TAB2: variants seen among roughly 807,000 people sequenced by gnomAD.
TAB2 encodes TGF-beta activated kinase 1 (MAP3K7) binding protein 2.
TAB2 carries 3 observed loss-of-function variants against 65.0 expected under a neutral mutation model. The observed-to-expected ratio is 0.05, with a 90% confidence interval of 0.02 to 0.12. The LOEUF is 0.12. Among genes scored for constraint, TAB2 ranks in the 10% least tolerant of loss-of-function variants. The probability of loss-of-function intolerance (pLI) is 1.00; values close to 1 mark genes in which losing one functional copy is unlikely to be tolerated. For missense variants in TAB2, 623 were observed against 840.3 expected (o/e 0.74, Z 3.20); for synonymous variants, 298 against 285.1 (o/e 1.05, Z -0.46).
intron 1 of TAB2, among the ~76,000 whole-genome samples, chr6:149,270,040 C>T (rs1451897907): frequency 1.3e-5 from 2 of 152,204 alleles, no homozygotes; most frequent in East Asian, 1.9e-4. Context: ...AAGGGCTGTG[C>T]CATTTTGCAG....
chr6:149,302,241 T>G (rs1176119989), intron 1 of TAB2, among the ~76,000 whole-genome samples: 1 of 152,222 alleles, frequency 6.6e-6, no homozygotes, highest in Non-Finnish European at 1.5e-5. Context: ...ATTACATATA[T>G]GCACTTTAAC....
At chr6:149,383,868 CCACCG>C (rs1054752621) in intron 3 of TAB2, among the ~76,000 whole-genome samples, 2 of 152,284 alleles carry the variant, frequency 1.3e-5, no homozygotes, top group African/African-American at 4.8e-5. Context: ...CAGACGTGAG[CCACCG>C]CACCTAGCTC....
chr6:149,240,538 A>C (rs1288066281), intron 1 of TAB2, among the ~76,000 whole-genome samples: 1 of 149,060 alleles, frequency 6.7e-6, no homozygotes, highest in Non-Finnish European at 1.5e-5. Context: ...AGTGTTATAA[A>C]ACTGTAGAAT....
chr6:149,373,478 T>C (rs1160235773), intron 2 of TAB2, among the ~76,000 whole-genome samples: 3 of 152,124 alleles, frequency 2.0e-5, no homozygotes, highest in East Asian at 3.8e-4. Context: ...TTCATTTGTG[T>C]TCACATTATT....
chr6:149,387,462 G>A (rs925589285), intron 3 of TAB2, among the ~76,000 whole-genome samples: 1 of 152,038 alleles, frequency 6.6e-6, no homozygotes, highest in Non-Finnish European at 1.5e-5. Flanking sequence ...CTTTTCCATT[G>A]TTCTATATGT....
At chr6:149,319,792 T>C (rs1779376185) in intron 1 of TAB2, among the ~76,000 whole-genome samples, 1 of 152,222 alleles carries the variant, frequency 6.6e-6, no homozygotes, top group South Asian at 2.1e-4. Context: ...GAGTTACTTT[T>C]CCTGAGTTTA....
Position 149,369,972 on chromosome 6 carries a change from A to C in TAB2, c.-26A>C. The C allele has an allele frequency of 6.3e-7, 1 of 1,586,622 alleles. No homozygotes were observed. The highest frequency in any genetic ancestry group is 8.7e-7 in the Non-Finnish European group (1 of 1,155,028). ...AAGGCCTAGAATTGCCTACTGTACA[A>C]ATAGTCCTGATCAGGCAATATACGA... On this transcript the variant is annotated 5_prime_UTR_variant, in exon 2 of 7. Transcript: ENST00000637181.
At chr6:149,381,569 CTTTT>C (rs557951574) in intron 3 of TAB2, among the ~76,000 whole-genome samples, 2 of 95,578 alleles carry the variant, frequency 2.1e-5, no homozygotes, top group African/African-American at 4.1e-5. Flanking sequence ...CCCTCCTATT[CTTTT>C]TTTTTTTTTT....
chr6:149,263,137 T>C (rs1241029565), intron 1 of TAB2, among the ~76,000 whole-genome samples: 2 of 152,176 alleles, frequency 1.3e-5, no homozygotes, highest in Admixed American at 1.3e-4. Context: ...TAAATATTCT[T>C]TGGGGAAAGA....
chr6:149,405,040 T>A (rs1016259177), intron 6 of TAB2, among the ~76,000 whole-genome samples: 1 of 152,216 alleles, frequency 6.6e-6, no homozygotes, highest in Non-Finnish European at 1.5e-5. Flanking sequence ...ATTCAAAATG[T>A]ATAAGGAACT....
chr6:149,275,234 G>GAGAGAGAAAGAT, intron 1 of TAB2, among the ~76,000 whole-genome samples: 1 of 65,404 alleles, frequency 1.5e-5, no homozygotes, highest in East Asian at 5.9e-4. Flanking sequence ...GGGAGAGAGA[G>GAGAGAGAAAGAT]AGAAAGAAAG....
chr6:149,378,424 A>G lies in TAB2; in HGVS notation c.509A>G (p.Gln170Arg), dbSNP rs749969260. 4.3e-6 allele frequency: 7 copies of G among 1,614,088 alleles called. No individual in the cohort carries two copies. The Admixed American group carries it at 5.0e-5, about 12-fold the overall frequency. Residue 170 changes from glutamine to arginine, a missense_variant, in exon 3 of 7, where the codon CAA becomes CGA. Gln to Arg is a conservative substitution (Grantham distance 43). Coordinates refer to ENST00000637181, the MANE Select transcript of TAB2 (RefSeq NM_001292034.3). Reference sequence around the variant, plus strand: ...AAAGGAACATCTAGCCTTTCTCAACAAACTCCCAGATTTAATCCCATTATG... The same window carrying G: ...AAAGGAACATCTAGCCTTTCTCAACGAACTCCCAGATTTAATCCCATTATG... ...GSKGTSSLSQ[Q>R]TPRFNPIMVT... is the part of the protein sequence containing the mutation.
rs1385494507 is a variant in TAB2 at position 149,410,538 on chromosome 6, G to A, written c.*819G>A. On this transcript the variant is annotated 3_prime_UTR_variant, in exon 7 of 7. Transcript: ENST00000637181. Reference sequence around the variant, plus strand: ...AGGAACAATGCCTTAAAATAAAAAAGCATTAATGAGATGAAAGTATGCACA... The same window carrying A: ...AGGAACAATGCCTTAAAATAAAAAAACATTAATGAGATGAAAGTATGCACA... The A allele has an allele frequency of 2.0e-5, 3 of 152,540 alleles. No homozygotes were observed. The highest frequency in any genetic ancestry group is 1.3e-4 in the Admixed American group (2 of 15,264). The allele number at this position is 152,540 out of a possible 1,614,324, so 9.4% of individuals were successfully genotyped here.
chr6:149,245,515 T>C (rs527481766), intron 1 of TAB2: 10 of 152,360 alleles, frequency 6.6e-5, no homozygotes, highest in African/African-American at 2.2e-4. Flanking sequence ...GTTTCTTTAA[T>C]GTATTTATTT....
chr6:149,302,490 G>C (rs58554156), intron 1 of TAB2, among the ~76,000 whole-genome samples: 2,491 of 152,222 alleles, frequency 0.016, 62 homozygotes, highest in African/African-American at 0.056. Flanking sequence ...ATTGCCCAAA[G>C]GCCTCTGCTG....
chr6:149,361,727 C>T (rs1780859728), intron 1 of TAB2, among the ~76,000 whole-genome samples: 1 of 152,176 alleles, frequency 6.6e-6, no homozygotes, highest in Non-Finnish European at 1.5e-5. Context: ...TTTTATAGTT[C>T]TACTTCCCCT....
chr6:149,316,076 A>G (rs867725429), upstream of TAB2, among the ~76,000 whole-genome samples: 5 of 152,366 alleles, frequency 3.3e-5, no homozygotes, highest in African/African-American at 1.2e-4. Flanking sequence ...CAATTATTTT[A>G]TCATTGAGTA....
At chr6:149,249,049 T>C (rs930293426) in intron 1 of TAB2, among the ~76,000 whole-genome samples, 4 of 152,076 alleles carry the variant, frequency 2.6e-5, no homozygotes, top group Non-Finnish European at 5.9e-5. Flanking sequence ...ATTTTATTTT[T>C]CTCTTGGCTC....
At chr6:149,391,655 C>T (rs763607266) in intron 3 of TAB2, among the ~76,000 whole-genome samples, 1 of 152,062 alleles carries the variant, frequency 6.6e-6, no homozygotes, top group Non-Finnish European at 1.5e-5. Context: ...GATCCTCCCA[C>T]CTCAGCATCT....
Sources: gnomAD v4.1 joint callset for allele counts (sites outside exome capture counted in the v4.1 genomes callset) on GRCh38, gnomAD v4.1.1 for gene constraint, MANE v1.5 for transcripts, NCBI Gene and HGNC (gene_info 2026-07-23, HGNC 2026-07-21) for gene names.